DRC11: variants seen among roughly 807,000 people sequenced by gnomAD.
DRC11 encodes dynein regulatory complex subunit 11, also known as IQ and AAA domain-containing protein 1.
At chr2:236,400,708 C>T in the DRC11 span, among the ~76,000 whole-genome samples, 26,842 of 152,148 alleles carry the variant, frequency 0.18, 2,735 homozygotes, top group Middle Eastern at 0.28. This position sits in a 1 kb window ranked among gnomAD's most constrained non-coding sequence, Gnocchi z 7.9. Context: ...TTCCAGAGCA[C>T]GCCCTGACTC....
At chr2:236,473,312 A>G in the DRC11 span, among the ~76,000 whole-genome samples, 345 of 152,342 alleles carry the variant, frequency 2.3e-3, no homozygotes, top group African/African-American at 7.8e-3. This position sits in a 1 kb window ranked among gnomAD's most constrained non-coding sequence, Gnocchi z 4.8. Flanking sequence ...GAGCTTTCCC[A>G]AACAGAGTCT....
the DRC11 span, among the ~76,000 whole-genome samples, chr2:236,425,935 A>G: frequency 2.6e-5 from 4 of 151,840 alleles, 1 homozygote; most frequent in Middle Eastern, 3.2e-3. Context: ...TTGAAAATCA[A>G]TTTGCTGTAG....
At chr2:236,312,475 C>T in the DRC11 span, among the ~76,000 whole-genome samples, 2 of 152,040 alleles carry the variant, frequency 1.3e-5, no homozygotes. Flanking sequence ...TCTATATGCA[C>T]ATAAGTATAG....
At chr2:236,307,064 A>C in the DRC11 span, among the ~76,000 whole-genome samples, 1 of 152,016 alleles carries the variant, frequency 6.6e-6, no homozygotes, top group Non-Finnish European at 1.5e-5. The surrounding 1 kb of genome is among the most constrained non-coding windows in gnomAD (Gnocchi z 7.0). Context: ...TGACCATCAG[A>C]GATGTTTGTC....
chr2:236,499,761 G>A, the DRC11 span, among the ~76,000 whole-genome samples: 2 of 152,250 alleles, frequency 1.3e-5, no homozygotes, highest in Admixed American at 1.3e-4. The surrounding 1 kb of genome is among the most constrained non-coding windows in gnomAD (Gnocchi z 4.7). Flanking sequence ...CTTGTCAAAT[G>A]TTTTCTTTGT....
the DRC11 span, among the ~76,000 whole-genome samples, chr2:236,307,536 C>T: frequency 6.6e-6 from 1 of 152,104 alleles, no homozygotes; most frequent in Non-Finnish European, 1.5e-5. This position sits in a 1 kb window ranked among gnomAD's most constrained non-coding sequence, Gnocchi z 7.0. Context: ...GTTAGAAGGC[C>T]CTCTCTCCAT....
chr2:236,368,461 A>AGAT, the DRC11 span: 1 of 587,266 alleles, frequency 1.7e-6, no homozygotes, highest in Non-Finnish European at 3.0e-6. Context: ...ATCTTTTCTC[A>AGAT]GATAAAGGTT....
chr2:236,401,336 C>G, the DRC11 span, among the ~76,000 whole-genome samples: 1 of 152,168 alleles, frequency 6.6e-6, no homozygotes, highest in African/African-American at 2.4e-5. The surrounding 1 kb of genome is among the most constrained non-coding windows in gnomAD (Gnocchi z 4.6). Context: ...CTGAACAGAC[C>G]TCCCGTCCTC....
the DRC11 span, chr2:236,412,664 C>T: frequency 6.6e-6 from 1 of 152,316 alleles, no homozygotes; most frequent in Non-Finnish European, 1.5e-5. Context: ...CACACGCTGT[C>T]AGCCAGGCAA....
At chr2:236,360,241 A>C in the DRC11 span, among the ~76,000 whole-genome samples, 7 of 152,188 alleles carry the variant, frequency 4.6e-5, no homozygotes, top group African/African-American at 1.4e-4. This position sits in a 1 kb window ranked among gnomAD's most constrained non-coding sequence, Gnocchi z 5.8. Flanking sequence ...CTGGAGCCAG[A>C]CTGTGTGAGA....
At chr2:236,358,434 TA>T in the DRC11 span, among the ~76,000 whole-genome samples, 2 of 138,148 alleles carry the variant, frequency 1.4e-5, no homozygotes, top group Admixed American at 1.5e-4. Context: ...ATATATATCA[TA>T]TATAAATATA....
chr2:236,413,245 T>A, the DRC11 span, among the ~76,000 whole-genome samples: 37 of 152,342 alleles, frequency 2.4e-4, no homozygotes, highest in African/African-American at 8.4e-4. This position sits in a 1 kb window ranked among gnomAD's most constrained non-coding sequence, Gnocchi z 4.0. Context: ...CCCCAGAGAA[T>A]GTTCCTTCCC....
At chr2:236,327,910 G>T in the DRC11 span, among the ~76,000 whole-genome samples, 1 of 152,072 alleles carries the variant, frequency 6.6e-6, no homozygotes, top group Non-Finnish European at 1.5e-5. Flanking sequence ...TCGAACTTCC[G>T]ACCTCAGGTG....
At chr2:236,485,635 G>C in the DRC11 span, among the ~76,000 whole-genome samples, 6 of 152,202 alleles carry the variant, frequency 3.9e-5, no homozygotes, top group Non-Finnish European at 7.3e-5. Flanking sequence ...CAAAGAATTG[G>C]CTTCAGGGGG....
At chr2:236,395,755 A>G in the DRC11 span, among the ~76,000 whole-genome samples, 1 of 152,226 alleles carries the variant, frequency 6.6e-6, no homozygotes, top group Non-Finnish European at 1.5e-5. Flanking sequence ...GTTTACTAAT[A>G]ATAATCCCCC....
chr2:236,503,724 T>G, the DRC11 span: 1 of 1,547,144 alleles, frequency 6.5e-7, no homozygotes, highest in South Asian at 1.2e-5. This position sits in a 1 kb window ranked among gnomAD's most constrained non-coding sequence, Gnocchi z 4.9. Context: ...CCAGCTGTCC[T>G]GATGCCTCTC....
the DRC11 span, among the ~76,000 whole-genome samples, chr2:236,353,040 G>C: frequency 3.9e-5 from 6 of 152,254 alleles, no homozygotes; most frequent in African/African-American, 1.4e-4. This position sits in a 1 kb window ranked among gnomAD's most constrained non-coding sequence, Gnocchi z 5.0. Context: ...TCTTCTCCTC[G>C]ACAAGTATTA....
chr2:236,402,974 T>A, the DRC11 span, among the ~76,000 whole-genome samples: 8 of 152,238 alleles, frequency 5.3e-5, no homozygotes, highest in Admixed American at 4.6e-4. This position sits in a 1 kb window ranked among gnomAD's most constrained non-coding sequence, Gnocchi z 6.0. Flanking sequence ...CAGGTATCAC[T>A]AAGGAGTCAT....
At chr2:236,505,579 A>G in the DRC11 span, among the ~76,000 whole-genome samples, 2 of 151,932 alleles carry the variant, frequency 1.3e-5, no homozygotes, top group African/African-American at 4.8e-5. Context: ...CAACACTCCC[A>G]GGCTTTGAAT....
Sources: gnomAD v4.1 joint callset for allele counts (sites outside exome capture counted in the v4.1 genomes callset) on GRCh38, gnomAD v4.1.1 for gene constraint, Gnocchi (gnomAD v3.1) non-coding constraint, MANE v1.5 for transcripts, NCBI Gene and HGNC (gene_info 2026-07-23, HGNC 2026-07-21) for gene names.